HMCN2: variants seen among roughly 807,000 people sequenced by gnomAD.
The protein encoded by HMCN2 is hemicentin-2.
In HMCN2, 325 loss-of-function variants were observed where a neutral mutation model predicts 377.5. That is an observed-to-expected ratio of 0.86 (90% CI 0.79 to 0.94). HMCN2 has a LOEUF of 0.94. HMCN2 is among the 40% of genes least tolerant of loss of function. The probability of loss-of-function intolerance (pLI) is 0.00; values close to 1 mark genes in which losing one functional copy is unlikely to be tolerated. For synonymous variants in HMCN2, 2,007 were observed against 2,046.8 expected (o/e 0.98, Z 0.53); for missense variants, 4,543 against 4,725.3 (o/e 0.96, Z 1.13).
At chr9:130,383,785 A>T (rs1841864585) in intron 57 of HMCN2, among the ~76,000 whole-genome samples, 185 bp downstream of exon 57, 1 of 152,226 alleles carries the variant, frequency 6.6e-6, no homozygotes, top group Non-Finnish European at 1.5e-5. Flanking sequence ...GGCCAACCCC[A>T]GGTGGTTTTA....
chr9:130,318,112 G>T (rs1231660813), intron 15 of HMCN2, among the ~76,000 whole-genome samples: 4 of 152,184 alleles, frequency 2.6e-5, no homozygotes, highest in Non-Finnish European at 4.4e-5. Flanking sequence ...TCTGAGCTTC[G>T]GCGGCTGCCA....
Position 130,382,746 on chromosome 9 carries a change from C to A in HMCN2, c.8613C>A (p.Thr2871=). ...VEEVTVNASS[T]VSLQCPALGN... is the part of the protein sequence containing the mutation. ...AGGTGACAGTCAATGCCAGCAGCAC[C>A]GTCAGCCTGCAGTGCCCGGCCCTGG... The change falls in exon 56 of 98, where the codon ACC becomes ACA. Residue 2871 remains threonine (T), a synonymous_variant. Coordinates refer to ENST00000683500, the MANE Select transcript of HMCN2 (RefSeq NM_001291815.2). The A allele has an allele frequency of 1.0e-6, 1 of 985,906 alleles. No individual in the cohort carries two copies. The highest frequency in any genetic ancestry group is 4.7e-5 in the South Asian group (1 of 21,286). 61.1% of individuals were successfully genotyped at this position (985,906 alleles called of 1,614,324 possible). A position where few individuals can be genotyped will look rare whatever the true frequency, so the allele number is the denominator to read the frequency against.
At position 130,431,452 on chromosome 9, in the gene HMCN2, C is replaced by T; in HGVS notation, c.14733C>T (p.Gly4911=). 6.5e-6 allele frequency: 10 copies of T among 1,550,072 alleles called. No homozygotes were observed. The highest frequency in any genetic ancestry group is 8.7e-6 in the Non-Finnish European group (10 of 1,146,846). The change falls in exon 96 of 98, where the codon GGC becomes GGT. Residue 4911 remains glycine, a synonymous_variant. Transcript: ENST00000683500. The stretch of plus-strand genomic sequence containing the variant: ...GCTACCAGTGCCTGTGCCCCGCCGG[C>T]TACCGTCTGCTCCCCAGCGGGAAGA... The part of the protein sequence containing the change: ...EGSYQCLCPA[G]YRLLPSGKNC...
rs573637567 is a variant in HMCN2 at position 130,408,740 on chromosome 9, C to T, written c.12689-3C>T. ...ACAACTTGCTCGATGTCACCCCATG[C>T]AGAGGCTCCTGTCCTACAAGGGGAG... On this transcript the variant is annotated splice_region_variant and splice_polypyrimidine_tract_variant and intron_variant, in intron 83 of 97. Transcript: ENST00000683500. 7.8e-7 allele frequency: 1 copy of T among 1,287,294 alleles called. No homozygotes were observed. The highest frequency in any genetic ancestry group is 1.5e-5 in the African/African-American group (1 of 65,930). 79.7% of individuals were successfully genotyped at this position (1,287,294 alleles called of 1,614,324 possible).
In HMCN2 at chr9:130,393,826, G is replaced by A. The variant is rs569081989; in HGVS notation, c.10319G>A (p.Arg3440Gln). ...CTGGTGGAACTCCCGTGCGAGGCCC[G>A]GGGCGTTCCCCTGCCTCTCGTGTCG... ...GSLVELPCEA[R>Q]GVPLPLVSWM... The change falls in exon 68 of 98, where the codon CGG becomes CAG. Residue 3440 changes from arginine to glutamine, a missense_variant. Around this residue, in one of 5 missense-constraint regions of HMCN2, gnomAD observed 1,073 missense variants for 1,319.5 expected, o/e 0.81. Coordinates refer to ENST00000683500, the MANE Select transcript of HMCN2 (RefSeq NM_001291815.2). The surrounding 1 kb of genome is among the most constrained non-coding windows in gnomAD (Gnocchi z 5.2). 43 of 1,289,048 alleles carry A rather than the reference G, an allele frequency of 3.3e-5. No homozygotes were observed. Among genetic ancestry groups the A allele is most frequent in the East Asian group, 5.6e-5 (1 of 17,996 alleles). The allele number at this position is 1,289,048 out of a possible 1,614,324, so 79.9% of individuals were successfully genotyped here. A position where few individuals can be genotyped will look rare whatever the true frequency, so the allele number is the denominator to read the frequency against.
intron 25 of HMCN2, among the ~76,000 whole-genome samples, chr9:130,343,653 A>G (rs902683618): frequency 2.0e-5 from 3 of 152,066 alleles, no homozygotes; most frequent in Admixed American, 1.3e-4. Context: ...GGTGGGACCC[A>G]CCCAGCCCCT....
chr9:130,389,579 T>A (rs551586908), intron 62 of HMCN2, among the ~76,000 whole-genome samples: 1 of 63,980 alleles, frequency 1.6e-5, no homozygotes, highest in South Asian at 3.7e-4. Flanking sequence ...TACTTCATTC[T>A]TTTTTTTTTT....
intron 81 of HMCN2, among the ~76,000 whole-genome samples, chr9:130,405,355 A>T (rs1009105961): frequency 1.3e-5 from 2 of 152,206 alleles, no homozygotes; most frequent in East Asian, 3.9e-4. Flanking sequence ...AAGTCTACCC[A>T]GTTGTTGTCA....
At chr9:130,392,793 A>C (rs10901287) in intron 66 of HMCN2, among the ~76,000 whole-genome samples, 20 of 151,564 alleles carry the variant, frequency 1.3e-4, no homozygotes, top group Middle Eastern at 3.2e-3. Flanking sequence ...TCAGGAGATC[A>C]AGACCATCCT....
In HMCN2 at chr9:130,296,689, C is replaced by T. The variant is rs567070325; in HGVS notation, c.907C>T (p.Arg303Cys). ...LWSIKVYSSG[R>C]HSVRITGVSN... ...CCTGCGCTAGGTCTATAGCAGTGGC[C>T]GCCATTCAGTGAGGATCACAGGCGT... Residue 303 changes from arginine (R) to cysteine (C), a missense_variant, in exon 7 of 98, where the codon CGC becomes TGC. Physicochemically the swap from Arg to Cys is radical, Grantham distance 180 (BLOSUM62 -3). Coordinates refer to ENST00000683500, the MANE Select transcript of HMCN2 (RefSeq NM_001291815.2). The T allele has an allele frequency of 2.3e-5, 11 of 471,072 alleles. No homozygotes were observed. In the East Asian group the frequency reaches 4.2e-4, roughly 18 times the overall value. 29.2% of individuals were successfully genotyped at this position (471,072 alleles called of 1,614,324 possible).
chr9:130,430,614 G>A lies in HMCN2; in HGVS notation c.14647+10G>A, dbSNP rs1176293423. 1 of 1,539,544 alleles carries A rather than the reference G, an allele frequency of 6.5e-7. No homozygotes were observed. Among genetic ancestry groups the A allele is most frequent in the African/African-American group, 1.4e-5 (1 of 72,768 alleles). The stretch of plus-strand genomic sequence containing the variant: ...AACGGAGTCTGCACAGGTAAGGCCA[G>A]GCCCTGACCATCCACGGGACACTGC... On this transcript the variant is annotated intron_variant, in intron 95 of 97. Transcript: ENST00000683500.
In HMCN2 at chr9:130,400,889, G is replaced by T; in HGVS notation, c.11712G>T (p.Trp3904Cys). The change falls in exon 77 of 98, where the codon TGG becomes TGT. Residue 3904 changes from tryptophan (W) to cysteine (C), a missense_variant. Trp to Cys is a radical substitution (Grantham distance 215). This residue lies in a region of HMCN2 where 1,073 missense variants were observed against 1,319.5 expected (regional missense o/e 0.81). Transcript: ENST00000683500. Reference sequence around the variant, plus strand: ...GTATACCAGCTCCGACCGTGTCCTGGAGCAAGGCAGGCGCCCAGCTAGGAG... The same window carrying T: ...GTATACCAGCTCCGACCGTGTCCTGTAGCAAGGCAGGCGCCCAGCTAGGAG... ...STGIPAPTVS[W>C]SKAGAQLGAR... The T allele has an allele frequency of 7.8e-7, 1 of 1,289,508 alleles. No homozygotes were observed. Among genetic ancestry groups the T allele is most frequent in the Non-Finnish European group, 1.0e-6 (1 of 988,738 alleles). 79.9% of individuals were successfully genotyped at this position (1,289,508 alleles called of 1,614,324 possible).
intron 66 of HMCN2, among the ~76,000 whole-genome samples, 200 bp downstream of exon 66, chr9:130,392,318 G>A (rs925874597): frequency 1.3e-5 from 2 of 152,228 alleles, no homozygotes; most frequent in Admixed American, 6.5e-5. Flanking sequence ...GGGGGTAGGA[G>A]GAGATGCAGG....
chr9:130,411,041 G>A (rs1056106972), intron 85 of HMCN2, among the ~76,000 whole-genome samples: 1 of 152,124 alleles, frequency 6.6e-6, no homozygotes, highest in Non-Finnish European at 1.5e-5. Flanking sequence ...CACCTGTGGA[G>A]AAGAGCCAGG....
intron 86 of HMCN2, among the ~76,000 whole-genome samples, chr9:130,420,744 A>T (rs1329647962): frequency 1.3e-5 from 2 of 152,004 alleles, no homozygotes; most frequent in African/African-American, 2.4e-5. Context: ...GGACACAGTC[A>T]TGTTGGATTA....
In HMCN2 at chr9:130,432,533, T is replaced by C; in HGVS notation, c.14872T>C (p.Tyr4958His). ...TGTGGACACACCCTGTCCTGCCACC[T>C]ACCGGCAGGGCCCCAGCCCTGGGTA... is the stretch of plus-strand genomic sequence containing the variant. ...QCVDTPCPAT[Y>H]RQGPSPGTCF... The change falls in exon 97 of 98, where the codon TAC (tyrosine) becomes CAC (histidine). Residue 4958 changes from tyrosine to histidine, a missense_variant. By Grantham distance (83) the Tyr-to-His change is moderately conservative. This residue lies in a region of HMCN2 where 1,155 missense variants were observed against 1,157.7 expected (regional missense o/e 1.00). Coordinates refer to ENST00000683500, the MANE Select transcript of HMCN2 (RefSeq NM_001291815.2). 2.6e-6 allele frequency: 4 copies of C among 1,550,578 alleles called. No homozygotes were observed. Among genetic ancestry groups the C allele is most frequent in the Non-Finnish European group, 3.5e-6 (4 of 1,146,992 alleles).
intron 1 of HMCN2, among the ~76,000 whole-genome samples, chr9:130,272,903 G>C (rs930564306): frequency 1.3e-5 from 2 of 152,142 alleles, no homozygotes. Context: ...AAAGCTTCTT[G>C]AGAATTTTAT....
intron 32 of HMCN2, 63 bp downstream of exon 32, chr9:130,355,107 G>T: frequency 8.4e-7 from 1 of 1,191,824 alleles, no homozygotes; most frequent in Non-Finnish European, 1.1e-6. Context: ...GGCCTGCTGC[G>T]TGCTTGTCCC....
intron 51 of HMCN2, among the ~76,000 whole-genome samples, chr9:130,376,250 G>A (rs933148742): frequency 1.3e-5 from 2 of 152,188 alleles, no homozygotes; most frequent in Admixed American, 6.5e-5. Flanking sequence ...TATAAACAGA[G>A]GCTCTGCAGA....
Sources: gnomAD v4.1 joint callset for allele counts (sites outside exome capture counted in the v4.1 genomes callset) on GRCh38, gnomAD v4.1.1 for gene constraint, gnomAD v4.1.1 regional missense constraint, Gnocchi (gnomAD v3.1) non-coding constraint, MANE v1.5 for transcripts, NCBI Gene and HGNC (gene_info 2026-07-23, HGNC 2026-07-21) for gene names.